ADAM12: variants seen among roughly 807,000 people sequenced by gnomAD.
ADAM12 encodes ADAM metallopeptidase domain 12.
ADAM12 carries 70 observed loss-of-function variants against 106.4 expected under a neutral mutation model. That is an observed-to-expected ratio of 0.66 (90% confidence interval 0.54 to 0.80). The LOEUF (loss-of-function observed/expected upper bound fraction) is 0.80, where lower values mean the gene tolerates loss of function less well. ADAM12 is among the 30% of genes least tolerant of loss of function. The pLI is 0.00. For missense variants in ADAM12, 1,010 were observed against 1,171.9 expected (o/e 0.86, Z 2.02); for synonymous variants, 420 against 433.5 (o/e 0.97, Z 0.39).
chr10:126,201,617 T>C (rs543856003), intron 3 of ADAM12, among the ~76,000 whole-genome samples: 6 of 152,080 alleles, frequency 3.9e-5, no homozygotes, highest in Non-Finnish European at 5.9e-5. Flanking sequence ...TGGTGCTTCA[T>C]TACAGCAGCC....
intron 3 of ADAM12, among the ~76,000 whole-genome samples, chr10:126,258,305 C>T (rs564580883): frequency 2.0e-5 from 3 of 152,266 alleles, no homozygotes; most frequent in African/African-American, 2.4e-5. Flanking sequence ...TCACTTTCAC[C>T]TGCATCTAAA....
intron 3 of ADAM12, among the ~76,000 whole-genome samples, chr10:126,237,270 C>T (rs1218192099): frequency 6.6e-6 from 1 of 152,076 alleles, no homozygotes; most frequent in East Asian, 1.9e-4. Flanking sequence ...TGTTTGTTGG[C>T]CTGGCAACTT....
At chr10:126,156,863 G>T (rs11244849) in intron 3 of ADAM12, among the ~76,000 whole-genome samples, 39,499 of 152,184 alleles carry the variant, frequency 0.26, 5,772 homozygotes, top group East Asian at 0.51. Context: ...GTGGAAGACA[G>T]AGAAAGGCTC....
intron 1 of ADAM12, among the ~76,000 whole-genome samples, chr10:126,380,111 A>C (rs1270771525): frequency 2.6e-5 from 4 of 152,210 alleles, no homozygotes; most frequent in Non-Finnish European, 5.9e-5. Context: ...AAAGGATAAA[A>C]AATATCAATA....
intron 2 of ADAM12, among the ~76,000 whole-genome samples, chr10:126,326,801 G>A (rs1443545905): frequency 6.6e-6 from 1 of 152,094 alleles, no homozygotes; most frequent in Non-Finnish European, 1.5e-5. Context: ...CGGCCTGGAT[G>A]CTCTTCCCCA....
intron 3 of ADAM12, among the ~76,000 whole-genome samples, chr10:126,194,159 C>A (rs982587915): frequency 6.6e-6 from 1 of 150,990 alleles, no homozygotes; most frequent in Admixed American, 6.6e-5. Flanking sequence ...TTAAATACAG[C>A]GTGTTATGTA....
At chr10:126,275,010 G>A (rs1959210759) in intron 3 of ADAM12, among the ~76,000 whole-genome samples, 1 of 152,202 alleles carries the variant, frequency 6.6e-6, no homozygotes, top group South Asian at 2.1e-4. Context: ...GGCAAAATAA[G>A]TCAGTGCTGA....
intron 3 of ADAM12, among the ~76,000 whole-genome samples, chr10:126,228,622 A>T (rs139378542): frequency 8.4e-4 from 128 of 152,352 alleles, no homozygotes; most frequent in East Asian, 4.8e-3. Context: ...CACTCTGGAA[A>T]TATAAGACAA....
At chr10:126,304,780 A>C (rs1199252711) in intron 2 of ADAM12, among the ~76,000 whole-genome samples, 1 of 152,084 alleles carries the variant, frequency 6.6e-6, no homozygotes. Flanking sequence ...GGTAAAAAAA[A>C]TCTGAACGTT....
At chr10:126,338,592 A>G (rs1854803584) in intron 1 of ADAM12, among the ~76,000 whole-genome samples, 1 of 152,168 alleles carries the variant, frequency 6.6e-6, no homozygotes, top group Admixed American at 6.5e-5. Flanking sequence ...TGAGTGAGAT[A>G]CTAATCCCAT....
intron 3 of ADAM12, among the ~76,000 whole-genome samples, chr10:126,255,831 C>A (rs138907215): frequency 1.3e-5 from 2 of 152,174 alleles, no homozygotes; most frequent in Non-Finnish European, 2.9e-5. Context: ...AGCAGACAGC[C>A]GAGGCACACG....
chr10:126,176,407 G>C (rs1439921446), intron 3 of ADAM12, among the ~76,000 whole-genome samples: 1 of 152,196 alleles, frequency 6.6e-6, no homozygotes, highest in Non-Finnish European at 1.5e-5. Flanking sequence ...TTCATTTATA[G>C]GTGATATGAA....
At chr10:126,041,318 A>C in intron 18 of ADAM12, 1 of 985,644 alleles carries the variant, frequency 1.0e-6, no homozygotes, top group African/African-American at 1.7e-5. Context: ...GATTTTATAT[A>C]TGTATGAACA....
In ADAM12 at chr10:126,051,588, T is replaced by TCCAGCCAGCCAG. The variant is rs199619555; in HGVS notation, c.1610-1931_1610-1920dup. ...ATCCATCCATCCATCCATCCATCCA[T>TCCAGCCAGCCAG]CCAGCCAGCCAGCCACCTGTCCATC... On this transcript the variant is annotated intron_variant, in intron 14 of 22. Transcript: ENST00000448723. Among the ~76,000 whole-genome samples, 903 of 124,332 alleles carry TCCAGCCAGCCAG rather than the reference T, an allele frequency of 7.3e-3. 21 individuals are homozygous for TCCAGCCAGCCAG. Among genetic ancestry groups the TCCAGCCAGCCAG allele is most frequent in the African/African-American group, 0.025 (800 of 32,570 alleles). 81.6% of individuals were successfully genotyped at this position (124,332 alleles called of 152,430 possible).
At chr10:126,270,323 C>T (rs1590712422) in intron 3 of ADAM12, among the ~76,000 whole-genome samples, 1 of 152,244 alleles carries the variant, frequency 6.6e-6, no homozygotes, top group East Asian at 1.9e-4. Context: ...TAGGAAAGAA[C>T]ATTCCTGTGG....
At chr10:126,219,781 T>C (rs1240882534) in intron 3 of ADAM12, among the ~76,000 whole-genome samples, 3 of 152,194 alleles carry the variant, frequency 2.0e-5, no homozygotes, top group Non-Finnish European at 4.4e-5. Flanking sequence ...GAAACATTTG[T>C]TTTTGGATAG....
At chr10:126,288,901 C>T (rs1960012085) in intron 2 of ADAM12, among the ~76,000 whole-genome samples, 1 of 147,484 alleles carries the variant, frequency 6.8e-6, no homozygotes, top group African/African-American at 2.5e-5. Context: ...AGGACATGAC[C>T]ACAGGGTGGC....
chr10:126,259,398 A>G (rs1731582457), intron 3 of ADAM12, among the ~76,000 whole-genome samples: 1 of 152,236 alleles, frequency 6.6e-6, no homozygotes, highest in Admixed American at 6.5e-5. Context: ...TATGAGCTAT[A>G]GCCCTTGTGG....
chr10:126,344,706 T>G (rs1855067777), intron 1 of ADAM12, among the ~76,000 whole-genome samples: 1 of 151,940 alleles, frequency 6.6e-6, no homozygotes, highest in South Asian at 2.1e-4. Flanking sequence ...CATTGAGCAG[T>G]GGTTTGTTGT....
Sources: gnomAD v4.1 joint callset for allele counts (sites outside exome capture counted in the v4.1 genomes callset) on GRCh38, gnomAD v4.1.1 for gene constraint, MANE v1.5 for transcripts, NCBI Gene and HGNC (gene_info 2026-07-23, HGNC 2026-07-21) for gene names.